The following AEBP1 variants were observed in gnomAD, a reference collection of about 807,000 sequenced individuals.
AEBP1 encodes the protein adipocyte enhancer-binding protein 1.
In AEBP1, 69 loss-of-function variants were observed where a neutral mutation model predicts 116.5. The observed-to-expected ratio is 0.59, with a 90% confidence interval of 0.49 to 0.72. The LOEUF (loss-of-function observed/expected upper bound fraction) is 0.72. Among genes scored for constraint, AEBP1 ranks in the 30% least tolerant of loss-of-function variants. The pLI is 0.00. For missense variants in AEBP1, 1,444 were observed against 1,557.5 expected, an observed-to-expected ratio of 0.93 and a Z score of 1.23; for synonymous variants, 627 against 627.3, an observed-to-expected ratio of 1.00 and a Z score of 0.01.
intron 1 of AEBP1, chr7:44,106,072 T>C: frequency 2.5e-6 from 1 of 405,912 alleles, no homozygotes; most frequent in Non-Finnish European, 4.9e-6. Flanking sequence ...GTGTCCCTTT[T>C]CTTTGAAGCT....
At position 44,112,413 on chromosome 7, in the gene AEBP1, T is replaced by C; in HGVS notation, c.2217+92T>C. On this transcript the variant is annotated intron_variant, in intron 17 of 20. Transcript: ENST00000223357. This position sits in a 1 kb window ranked among gnomAD's most constrained non-coding sequence, Gnocchi z 6.6. ...GCTTGGGGGTGGGGCTGACGGTGCC[T>C]GAACTCCAGACGCTGAGGCTCTGGG... 1 of 1,444,430 alleles carries C rather than the reference T, an allele frequency of 6.9e-7. No homozygotes were observed. Among genetic ancestry groups the C allele is most frequent in the South Asian group, 1.4e-5 (1 of 71,590 alleles). The allele number at this position is 1,444,430 out of a possible 1,614,324, so 89.5% of individuals were successfully genotyped here.
chr7:44,110,845 A>G, intron 12 of AEBP1, 36 bp downstream of exon 12: 1 of 1,609,180 alleles, frequency 6.2e-7, no homozygotes, highest in South Asian at 1.1e-5. Context: ...CTCTGCTCCC[A>G]TTGTCTGGGC....
intron 1 of AEBP1, among the ~76,000 whole-genome samples, chr7:44,105,685 C>T (rs1277136604): frequency 2.0e-5 from 3 of 152,174 alleles, no homozygotes; most frequent in Non-Finnish European, 4.4e-5. Context: ...CTCTGGCTCT[C>T]CTTCCAGGCT....
In AEBP1 at chr7:44,113,719, A is replaced by G; in HGVS notation, c.2935A>G (p.Asn979Asp). The change falls in exon 21 of 21, where the codon AAC (asparagine) becomes GAC (aspartate). Residue 979 changes from asparagine to aspartate, a missense_variant. By Grantham distance (23) the Asn-to-Asp change is conservative. Transcript: ENST00000223357. The surrounding 1 kb of genome is among the most constrained non-coding windows in gnomAD (Gnocchi z 5.3). ...VDYDIGATQC[N>D]FILARSNWKR... ...CTATGACATCGGGGCCACTCAGTGC[A>G]ACTTCATCCTGGCTCGCTCCAACTG... The G allele has an allele frequency of 1.9e-6, 3 of 1,614,088 alleles. No homozygotes were observed. The highest frequency in any genetic ancestry group is 2.5e-6 in the Non-Finnish European group (3 of 1,179,986).
chr7:44,109,438 CG>C, intron 9 of AEBP1, 97 bp downstream of exon 9: 2 of 1,329,114 alleles, frequency 1.5e-6, no homozygotes, highest in Non-Finnish European at 2.0e-6. Flanking sequence ...CCCAGGTCCC[CG>C]GAACCCTTTC....
In AEBP1 at chr7:44,111,175, A is replaced by G; in HGVS notation, c.1652A>G (p.Gln551Arg). The G allele has an allele frequency of 6.6e-7, 1 of 1,523,488 alleles. No individual in the cohort carries two copies. The highest frequency in any genetic ancestry group is 8.8e-7 in the Non-Finnish European group (1 of 1,134,596). The allele number at this position is 1,523,488 out of a possible 1,614,324, so 94.4% of individuals were successfully genotyped here. The change falls in exon 14 of 21, where the codon CAG (glutamine) becomes CGG (arginine). Residue 551 changes from glutamine to arginine, a missense_variant. Transcript: ENST00000223357. The surrounding 1 kb of genome is among the most constrained non-coding windows in gnomAD (Gnocchi z 4.7). ...SVAPVYSYYA[Q>R]NEVVATDDLD... ...GCAGCTGTCTACAGCTACTACGCAC[A>G]GAATGAGGTGGTGGCCACCGATGAC...
chr7:44,113,652 C>T lies in AEBP1; in HGVS notation c.2868C>T (p.His956=), dbSNP rs750744382. The T allele has an allele frequency of 3.8e-5, 62 of 1,613,670 alleles. No individual in the cohort carries two copies. The highest frequency in any genetic ancestry group is 4.8e-5 in the Non-Finnish European group (57 of 1,179,978). ...LNPGEYRVTA[H]AEGYTPSAKT... ...CGGGTGAGTACCGCGTGACAGCCCA[C>T]GCGGAGGGCTACACCCCGAGCGCCA... Residue 956 remains histidine (H), a synonymous_variant, in exon 21 of 21, where the codon CAC becomes CAT. Coordinates refer to ENST00000223357, the MANE Select transcript of AEBP1 (RefSeq NM_001129.5). The surrounding 1 kb of genome is among the most constrained non-coding windows in gnomAD (Gnocchi z 5.3).
At position 44,112,442 on chromosome 7, in the gene AEBP1, TG is replaced by T; in HGVS notation, c.2218-111del. On this transcript the variant is annotated intron_variant, in intron 17 of 20. Transcript: ENST00000223357. This position sits in a 1 kb window ranked among gnomAD's most constrained non-coding sequence, Gnocchi z 6.6. ...CTCCAGACGCTGAGGCTCTGGGGGT[TG>T]GGGGACAGGGGATCGTGCGAGTACT... 2 of 1,393,730 alleles carry T rather than the reference TG, an allele frequency of 1.4e-6. No individual in the cohort carries two copies. The highest frequency in any genetic ancestry group is 1.9e-6 in the Non-Finnish European group (2 of 1,034,422). The allele number at this position is 1,393,730 out of a possible 1,614,324, so 86.3% of individuals were successfully genotyped here.
chr7:44,110,933 C>T lies in AEBP1; in HGVS notation c.1506C>T (p.Asp502=). The T allele has an allele frequency of 6.2e-7, 1 of 1,614,012 alleles. No homozygotes were observed. The stretch of plus-strand genomic sequence containing the variant: ...CCCAGACCTTTCATGGGAACGTGGA[C>T]AAGGACACACCCGTGCTGAGTGAGC... The part of the protein sequence containing the change: ...YEEMTFHGNV[D]KDTPVLSELP... Residue 502 remains aspartate, a synonymous_variant, in exon 13 of 21, where the codon GAC becomes GAT. Transcript: ENST00000223357.
Position 44,112,781 on chromosome 7 carries a change from G to C in AEBP1, c.2441G>C (p.Trp814Ser), listed in dbSNP as rs2096231113. 6.2e-7 allele frequency: 1 copy of C among 1,612,758 alleles called. No homozygotes were observed. The highest frequency in any genetic ancestry group is 8.5e-7 in the Non-Finnish European group (1 of 1,179,994). Residue 814 changes from tryptophan to serine, a missense_variant, in exon 18 of 21, where the codon TGG becomes TCG. Transcript: ENST00000223357. The surrounding 1 kb of genome is among the most constrained non-coding windows in gnomAD (Gnocchi z 6.6). ...ACTCCAGACCACGCCATCTTCCGGT[G>C]GCTTGCCATCTCCTTCGCCTCCGCA... is the stretch of plus-strand genomic sequence containing the variant. ...QETPDHAIFR[W>S]LAISFASAHL...
Position 44,113,938 on chromosome 7 carries a change from A to C in AEBP1, c.3154A>C (p.Thr1052Pro). Reference sequence around the variant, plus strand: ...CCTAGGCCCCCACACTGTGCCTCCCACGCTGCCCCCTGCCCCTGCCACCAC... The same window carrying C: ...CCTAGGCCCCCACACTGTGCCTCCCCCGCTGCCCCCTGCCCCTGCCACCAC... ...TTLGPHTVPP[T>P]LPPAPATTLS... The change falls in exon 21 of 21, where the codon ACG becomes CCG. Residue 1052 changes from threonine (T) to proline (P), a missense_variant. Physicochemically the swap from Thr to Pro is conservative, Grantham distance 38. Coordinates refer to ENST00000223357, the MANE Select transcript of AEBP1 (RefSeq NM_001129.5). The surrounding 1 kb of genome is among the most constrained non-coding windows in gnomAD (Gnocchi z 5.3). 1 of 1,613,340 alleles carries C rather than the reference A, an allele frequency of 6.2e-7. No homozygotes were observed. The highest frequency in any genetic ancestry group is 8.5e-7 in the Non-Finnish European group (1 of 1,179,772).
rs759180130 is a variant in AEBP1 at position 44,114,031 on chromosome 7, A to C, written c.3247A>C (p.Thr1083Pro). 6.2e-7 allele frequency: 1 copy of C among 1,613,752 alleles called. No individual in the cohort carries two copies. Among genetic ancestry groups the C allele is most frequent in the Non-Finnish European group, 8.5e-7 (1 of 1,179,948 alleles). Residue 1083 changes from threonine (T) to proline (P), a missense_variant, in exon 21 of 21, where the codon ACT becomes CCT. Physicochemically the swap from Thr to Pro is conservative, Grantham distance 38. Transcript: ENST00000223357. ...CACCGCTGGCTGGGAGGAGTCGGAG[A>C]CTGAGACCTACACAGAGGTGGTGAC... ...PTTAGWEESE[T>P]ETYTEVVTEF... is the part of the protein sequence containing the mutation.
At position 44,114,196 on chromosome 7, in the gene AEBP1, G is replaced by A; in HGVS notation, c.3412G>A (p.Ala1138Thr). 6.2e-7 allele frequency: 1 copy of A among 1,614,100 alleles called. No individual in the cohort carries two copies. The highest frequency in any genetic ancestry group is 1.3e-5 in the African/African-American group (1 of 75,032). ...EEEEEKEEEIATGQAFPFTTV... is the reference protein window; with the variant it reads ...EEEEEKEEEITTGQAFPFTTV... The stretch of plus-strand genomic sequence containing the variant: ...GGAGGAGGAGAAAGAGGAGGAGATA[G>A]CCACTGGCCAGGCATTCCCCTTCAC... The change falls in exon 21 of 21, where the codon GCC becomes ACC. Residue 1138 changes from alanine (A) to threonine (T), a missense_variant. By Grantham distance (58) the Ala-to-Thr change is moderately conservative. Coordinates refer to ENST00000223357, the MANE Select transcript of AEBP1 (RefSeq NM_001129.5).
In AEBP1 at chr7:44,107,729, G is replaced by A. The variant is rs201157904; in HGVS notation, c.739+29G>A. The A allele has an allele frequency of 6.8e-6, 11 of 1,613,092 alleles. No homozygotes were observed. The Admixed American group carries it at 1.3e-4, about 20-fold the overall frequency. On this transcript the variant is annotated intron_variant, in intron 4 of 20. Transcript: ENST00000223357. This position sits in a 1 kb window ranked among gnomAD's most constrained non-coding sequence, Gnocchi z 4.3. ...AGTAGGGTCCTGCCAGCCCCACCTGGGTCGGACCCCTGGCCTGGGGGATGT... is the reference window on the plus strand; with the variant it reads ...AGTAGGGTCCTGCCAGCCCCACCTGAGTCGGACCCCTGGCCTGGGGGATGT...
Position 44,114,462 on chromosome 7 carries a change from C to T in AEBP1, c.*201C>T. 1.5e-6 allele frequency: 1 copy of T among 655,248 alleles called. No individual in the cohort carries two copies. Among genetic ancestry groups the T allele is most frequent in the East Asian group, 2.7e-5 (1 of 36,608 alleles). 40.6% of individuals were successfully genotyped at this position (655,248 alleles called of 1,614,324 possible). A position where few individuals can be genotyped will look rare whatever the true frequency, so the allele number is the denominator to read the frequency against. On this transcript the variant is annotated 3_prime_UTR_variant, in exon 21 of 21. Coordinates refer to ENST00000223357, the MANE Select transcript of AEBP1 (RefSeq NM_001129.5). Reference sequence around the variant, plus strand: ...GCCAGAGGCTGTGTAGAGGCTCCTGCTCCACCTGCCAGTCTCGTAAGAGAT... The same window carrying T: ...GCCAGAGGCTGTGTAGAGGCTCCTGTTCCACCTGCCAGTCTCGTAAGAGAT...
At chr7:44,109,817 TG>T (rs2096226967) in intron 9 of AEBP1, 197 bp from the exon 10 acceptor site, 1 of 603,742 alleles carries the variant, frequency 1.7e-6, no homozygotes, top group African/African-American at 1.8e-5. Flanking sequence ...AGGCTGGGAT[TG>T]GAAACAGCTC....
chr7:44,111,770 C>T lies in AEBP1; in HGVS notation c.1841-84C>T, dbSNP rs375963092. 54 of 1,531,256 alleles carry T rather than the reference C, an allele frequency of 3.5e-5. No homozygotes were observed. The highest frequency in any genetic ancestry group is 4.2e-5 in the Non-Finnish European group (48 of 1,133,334). 94.9% of individuals were successfully genotyped at this position (1,531,256 alleles called of 1,614,324 possible). A position where few individuals can be genotyped will look rare whatever the true frequency, so the allele number is the denominator to read the frequency against. Reference sequence around the variant, plus strand: ...GAGCCCCAGCTGTCCCCCAGACCCTCGGGTATGAGGTGGGTCTGGGTCCTT... The same window carrying T: ...GAGCCCCAGCTGTCCCCCAGACCCTTGGGTATGAGGTGGGTCTGGGTCCTT... On this transcript the variant is annotated intron_variant, in intron 15 of 20. Transcript: ENST00000223357. This position sits in a 1 kb window ranked among gnomAD's most constrained non-coding sequence, Gnocchi z 4.7.
chr7:44,107,930 T>C lies in AEBP1; in HGVS notation c.861T>C (p.Ile287=). Residue 287 remains isoleucine, a splice_region_variant and synonymous_variant, in exon 5 of 21, where the codon ATT becomes ATC. Coordinates refer to ENST00000223357, the MANE Select transcript of AEBP1 (RefSeq NM_001129.5). The surrounding 1 kb of genome is among the most constrained non-coding windows in gnomAD (Gnocchi z 4.3). ...KAPAPAPEER[I]EPPVKPLLPP... Reference sequence around the variant, plus strand: ...CGGCCCCAGCCCCGGAGGAGAGGATTGGTAGGATGGGGGGCAGGAGAGGAG... The same window carrying C: ...CGGCCCCAGCCCCGGAGGAGAGGATCGGTAGGATGGGGGGCAGGAGAGGAG... The C allele has an allele frequency of 6.3e-7, 1 of 1,583,856 alleles. No homozygotes were observed. The highest frequency in any genetic ancestry group is 8.6e-7 in the Non-Finnish European group (1 of 1,166,654).
At position 44,112,080 on chromosome 7, in the gene AEBP1, C is replaced by T. The variant is rs1433252379; in HGVS notation, c.2037+30C>T. 1 of 1,606,364 alleles carries T rather than the reference C, an allele frequency of 6.2e-7. No individual in the cohort carries two copies. ...GTTGAAGGGTGAGGCTGGCCAGGGTCCAGGCAGCTGGGGGTTGTGGGGGTG... is the reference window on the plus strand; with the variant it reads ...GTTGAAGGGTGAGGCTGGCCAGGGTTCAGGCAGCTGGGGGTTGTGGGGGTG... On this transcript the variant is annotated intron_variant, in intron 16 of 20. Transcript: ENST00000223357. This position sits in a 1 kb window ranked among gnomAD's most constrained non-coding sequence, Gnocchi z 6.6.
Sources: gnomAD v4.1 joint callset for allele counts (sites outside exome capture counted in the v4.1 genomes callset) on GRCh38, gnomAD v4.1.1 for gene constraint, Gnocchi (gnomAD v3.1) non-coding constraint, MANE v1.5 for transcripts, NCBI Gene and HGNC (gene_info 2026-07-23, HGNC 2026-07-21) for gene names.